Variants in MINDY2 observed in about 807,000 individuals in gnomAD.
MINDY2 encodes MINDY lysine 48 deubiquitinase 2, also known as ubiquitin carboxyl-terminal hydrolase MINDY-2.
A neutral mutation model predicts 68.2 loss-of-function variants in MINDY2; 52 were observed. That is an observed-to-expected ratio of 0.76 (90% CI 0.61 to 0.96). The LOEUF (loss-of-function observed/expected upper bound fraction) is 0.96, where lower values mean the gene tolerates loss of function less well. Among genes scored for constraint, MINDY2 ranks in the 40% least tolerant of loss-of-function variants. MINDY2 has a pLI of 0.00. For missense variants in MINDY2, 881 were observed against 773.4 expected, an observed-to-expected ratio of 1.14 and a Z score of -1.65; for synonymous variants, 372 against 303.0, an observed-to-expected ratio of 1.23 and a Z score of -2.36.
Position 58,771,866 on chromosome 15 carries a change from C to G in MINDY2, c.471C>G (p.Leu157=). Residue 157 remains leucine, a synonymous_variant, in exon 1 of 9, where the codon CTC becomes CTG. Transcript: ENST00000559228. ...AAGAGCCCAGCAGCGCCGGCGGCCT[C>G]AGCAGCAGTTGCAGCGACCCGAGCC... ...GSEEPSSAGG[L]SSSCSDPSPP... is the part of the protein sequence containing the mutation. 3.2e-6 allele frequency: 5 copies of G among 1,585,040 alleles called. No homozygotes were observed. The highest frequency in any genetic ancestry group is 4.3e-6 in the Non-Finnish European group (5 of 1,166,630).
Position 58,787,142 on chromosome 15 carries a change from T to TC in MINDY2, c.841-764_841-763insC, listed in dbSNP as rs1489316802. 2.6e-4 allele frequency among the ~76,000 whole-genome samples: 35 copies of TC among 134,918 alleles called. No homozygotes were observed. The East Asian group carries it at 7.3e-3, about 28-fold the overall frequency. The allele number at this position is 134,918 out of a possible 152,430, so 88.5% of individuals were successfully genotyped here. A position where few individuals can be genotyped will look rare whatever the true frequency, so the allele number is the denominator to read the frequency against. ...CATATGCCCAGCCCATTTCTTTACT[T>TC]TTTTTTTTTTTTTTTTTTTTTTACT... On this transcript the variant is annotated intron_variant, in intron 1 of 8. Transcript: ENST00000559228.
At chr15:58,838,135 C>T (rs573760751) in intron 6 of MINDY2, among the ~76,000 whole-genome samples, 3 of 152,070 alleles carry the variant, frequency 2.0e-5, no homozygotes, top group Non-Finnish European at 4.4e-5. Context: ...TGGTGGTTCA[C>T]GCCTGTAATC....
rs752439012 is a variant in MINDY2 at position 58,771,433 on chromosome 15, A to G, written c.38A>G (p.His13Arg). The change falls in exon 1 of 9, where the codon CAC (histidine) becomes CGC (arginine). Residue 13 changes from histidine (H) to arginine (R), a missense_variant. Coordinates refer to ENST00000559228, the MANE Select transcript of MINDY2 (RefSeq NM_001040450.3). Reference protein sequence around the residue: ...SSPESLQPLEHGVAAGPASGT... With the variant: ...SSPESLQPLERGVAAGPASGT... ...CCCGAGAGCCTGCAGCCGCTAGAAC[A>G]CGGGGTGGCGGCCGGGCCAGCGTCA... 6.2e-7 allele frequency: 1 copy of G among 1,612,052 alleles called. No individual in the cohort carries two copies. The highest frequency in any genetic ancestry group is 1.7e-5 in the Admixed American group (1 of 59,984).
At chr15:58,854,401 TAC>T in intron 8 of MINDY2, 79 bp from the exon 9 acceptor site, 4 of 1,492,536 alleles carry the variant, frequency 2.7e-6, no homozygotes, top group Non-Finnish European at 3.6e-6. Context: ...CTTCCACTGT[TAC>T]AGTTTTCCTT....
chr15:58,828,475 T>C (rs1324240673), intron 5 of MINDY2, among the ~76,000 whole-genome samples: 1 of 152,080 alleles, frequency 6.6e-6, no homozygotes. Context: ...AGTACCTCTG[T>C]AACTTCACCA....
chr15:58,779,385 C>G (rs28733370), intron 1 of MINDY2, among the ~76,000 whole-genome samples: 24,991 of 152,168 alleles, frequency 0.16, 2,288 homozygotes, highest in South Asian at 0.34. Context: ...TCTATTTCTC[C>G]CTACCTCCTT....
rs183511662 is a variant in MINDY2, at chr15:58,813,233, G to A, written c.1122+2845G>A. Among the ~76,000 whole-genome samples the A allele has an allele frequency of 5.3e-5, 8 of 152,288 alleles. No homozygotes were observed. In the East Asian group the frequency reaches 9.7e-4, roughly 18 times the overall value. ...TTTCCCGCCGGGCACGGTGGCTCAC[G>A]CCTGTAATCTCAGCACTTTGGAAGG... On this transcript the variant is annotated intron_variant, in intron 4 of 8. Coordinates refer to ENST00000559228, the MANE Select transcript of MINDY2 (RefSeq NM_001040450.3).
chr15:58,778,953 G>A (rs569320419), intron 1 of MINDY2, among the ~76,000 whole-genome samples: 10 of 151,702 alleles, frequency 6.6e-5, no homozygotes, highest in African/African-American at 2.4e-4. Context: ...GTAGAGATAG[G>A]GTTTCAGCAT....
intron 2 of MINDY2, among the ~76,000 whole-genome samples, chr15:58,799,511 G>A (rs1176732772): frequency 1.3e-5 from 2 of 151,548 alleles, no homozygotes; most frequent in East Asian, 1.9e-4. Flanking sequence ...CCCGGGAGGC[G>A]GAGCTTGCAG....
chr15:58,814,062 C>T (rs1040601239), intron 4 of MINDY2, among the ~76,000 whole-genome samples: 2 of 150,556 alleles, frequency 1.3e-5, no homozygotes, highest in African/African-American at 2.4e-5. Context: ...CTCGACCTCC[C>T]GAGTAGCTGG....
At chr15:58,787,192 C>T (rs1377703295) in intron 1 of MINDY2, among the ~76,000 whole-genome samples, 2 of 135,186 alleles carry the variant, frequency 1.5e-5, no homozygotes, top group Admixed American at 8.1e-5. Context: ...AGAGGTGTCA[C>T]CATGTTGGCC....
intron 6 of MINDY2, among the ~76,000 whole-genome samples, chr15:58,840,606 C>T (rs542428217): frequency 1.3e-3 from 194 of 149,524 alleles, no homozygotes; most frequent in African/African-American, 4.4e-3. Context: ...GTGAAATACA[C>T]ATTGACCTCA....
chr15:58,778,221 T>C (rs1209028663), intron 1 of MINDY2, among the ~76,000 whole-genome samples: 1 of 152,148 alleles, frequency 6.6e-6, no homozygotes, highest in South Asian at 2.1e-4. Context: ...ATAGAGAAGA[T>C]AGAGTATTGC....
chr15:58,838,171 G>C (rs991178410), intron 6 of MINDY2, among the ~76,000 whole-genome samples: 9 of 151,790 alleles, frequency 5.9e-5, no homozygotes, highest in Non-Finnish European at 1.2e-4. Flanking sequence ...GCCAAGGCAG[G>C]TGGATCACTT....
At chr15:58,806,965 T>C (rs558968859) in intron 3 of MINDY2, among the ~76,000 whole-genome samples, 1 of 152,360 alleles carries the variant, frequency 6.6e-6, no homozygotes, top group Admixed American at 6.5e-5. Flanking sequence ...TATAAATGCA[T>C]CATTCATTAA....
At chr15:58,807,976 C>G (rs1253278637) in intron 3 of MINDY2, among the ~76,000 whole-genome samples, 3 of 151,922 alleles carry the variant, frequency 2.0e-5, no homozygotes, top group Non-Finnish European at 4.4e-5. Flanking sequence ...CTGTCTCCCT[C>G]ACCTCCCTCT....
At chr15:58,800,796 C>T (rs1288901389) in intron 2 of MINDY2, among the ~76,000 whole-genome samples, 1 of 145,274 alleles carries the variant, frequency 6.9e-6, no homozygotes, top group Admixed American at 7.0e-5. Context: ...GATCACGCCA[C>T]TGCACTCCAG....
chr15:58,854,735 G>C lies in MINDY2; in HGVS notation c.*125G>C. 8.7e-7 allele frequency: 1 copy of C among 1,151,428 alleles called. No individual in the cohort carries two copies. The highest frequency in any genetic ancestry group is 1.2e-6 in the Non-Finnish European group (1 of 836,136). The allele number at this position is 1,151,428 out of a possible 1,614,324, so 71.3% of individuals were successfully genotyped here. On this transcript the variant is annotated 3_prime_UTR_variant, in exon 9 of 9. Transcript: ENST00000559228. Reference sequence around the variant, plus strand: ...CTAATGGATTTTGTTCGTTTTTTCAGGGGAACGGTTGTTACTTAGTTACAA... The same window carrying C: ...CTAATGGATTTTGTTCGTTTTTTCACGGGAACGGTTGTTACTTAGTTACAA...
At chr15:58,787,050 G>A (rs772904945) in intron 1 of MINDY2, among the ~76,000 whole-genome samples, 4 of 151,312 alleles carry the variant, frequency 2.6e-5, no homozygotes, top group African/African-American at 7.3e-5. Context: ...GGCTGGTCTC[G>A]AACTCCCAAC....
Sources: allele counts gnomAD v4.1 joint callset (sites outside exome capture counted in the v4.1 genomes callset), GRCh38; gene constraint gnomAD v4.1.1; transcripts MANE v1.5; gene names NCBI Gene and HGNC (gene_info 2026-07-23, HGNC 2026-07-21).